Variants in HEATR5B observed in about 807,000 individuals in gnomAD.
The protein encoded by HEATR5B is HEAT repeat-containing protein 5B.
A neutral mutation model predicts 224.1 loss-of-function variants in HEATR5B; 156 were observed. That is an observed-to-expected ratio of 0.70 (90% CI 0.61 to 0.80). HEATR5B has a LOEUF of 0.80. Among genes scored for constraint, HEATR5B ranks in the 30% least tolerant of loss-of-function variants. The pLI, the probability that HEATR5B is intolerant of heterozygous loss-of-function variation, is 0.00. For missense variants in HEATR5B, 2,323 were observed against 2,535.5 expected (o/e 0.92, Z 1.80); for synonymous variants, 1,027 against 893.0 (o/e 1.15, Z -2.68).
chr2:37,020,820 A>C lies in HEATR5B; in HGVS notation c.3870T>G (p.Leu1290=). Residue 1290 remains leucine, a synonymous_variant, in exon 25 of 36, where the codon CTT becomes CTG. Coordinates refer to ENST00000233099, the MANE Select transcript of HEATR5B (RefSeq NM_019024.3). ...LRNPTNDLLV[L]HLSDLIRMAF... is the part of the protein sequence containing the mutation. ...CCATGCGAATGAGGTCAGAGAGATG[A>C]AGTACCAAGAGGTCATCTAAAAATA... is the stretch of plus-strand genomic sequence containing the variant. 6 of 1,553,432 alleles carry C rather than the reference A, an allele frequency of 3.9e-6. No individual in the cohort carries two copies. The highest frequency in any genetic ancestry group is 5.2e-6 in the Non-Finnish European group (6 of 1,157,746).
intron 35 of HEATR5B, among the ~76,000 whole-genome samples, chr2:36,984,632 T>C (rs11895180): frequency 6.6e-6 from 1 of 151,792 alleles, no homozygotes; most frequent in Non-Finnish European, 1.5e-5. Flanking sequence ...GAAAATAATA[T>C]GAACAATGTA....
chr2:37,044,225 T>C (rs986302070), intron 18 of HEATR5B, among the ~76,000 whole-genome samples: 1 of 152,180 alleles, frequency 6.6e-6, no homozygotes, highest in East Asian at 1.9e-4. Flanking sequence ...ACACAAGATA[T>C]AGGACATTTT....
At chr2:37,081,635 GC>G (rs1276946704) in intron 2 of HEATR5B, among the ~76,000 whole-genome samples, 1 of 152,154 alleles carries the variant, frequency 6.6e-6, no homozygotes, top group East Asian at 1.9e-4. Flanking sequence ...AGTCTAATAA[GC>G]AGAAAGAATC....
intron 18 of HEATR5B, among the ~76,000 whole-genome samples, chr2:37,041,517 C>T (rs944979320): frequency 3.3e-5 from 5 of 152,062 alleles, no homozygotes; most frequent in African/African-American, 9.7e-5. Context: ...AGGCTGAGGC[C>T]GGTGGATCAC....
intron 26 of HEATR5B, among the ~76,000 whole-genome samples, chr2:37,017,998 G>C (rs1426620615): frequency 6.6e-6 from 1 of 152,028 alleles, no homozygotes; most frequent in East Asian, 1.9e-4. Flanking sequence ...GAGTTACCCT[G>C]ATTTTAAAGT....
At chr2:37,036,577 T>C (rs1669490925) in intron 21 of HEATR5B, among the ~76,000 whole-genome samples, 1 of 151,796 alleles carries the variant, frequency 6.6e-6, no homozygotes. Context: ...AATGGCGCAA[T>C]CTTGGCTCAC....
intron 31 of HEATR5B, 114 bp downstream of exon 31, chr2:37,003,428 C>A: frequency 1.4e-6 from 1 of 734,882 alleles, no homozygotes; most frequent in Non-Finnish European, 2.1e-6. Context: ...CGAATGAGAC[C>A]CTGCCTCTAA....
chr2:36,981,539 G>A lies in HEATR5B; in HGVS notation c.6167C>T (p.Pro2056Leu), dbSNP rs1665580076. The change falls in exon 36 of 36, where the codon CCC becomes CTC. Residue 2056 changes from proline to leucine, a missense_variant. Pro to Leu is a moderately conservative substitution (Grantham distance 98). Transcript: ENST00000233099. Reference protein sequence around the residue: ...KAKAAARQPAPAIHSAPTIKL... With the variant: ...KAKAAARQPALAIHSAPTIKL... ...AATTGTTGGTGCAGAATGTATGGCG[G>A]GGGCTGGTTGTCTGGCAGCCGCTTT... The A allele has an allele frequency of 6.2e-7, 1 of 1,613,762 alleles. No homozygotes were observed. Among genetic ancestry groups the A allele is most frequent in the Non-Finnish European group, 8.5e-7 (1 of 1,179,712 alleles).
chr2:37,037,788 A>G (rs1669594419), intron 21 of HEATR5B, 67 bp downstream of exon 21: 1 of 1,229,732 alleles, frequency 8.1e-7, no homozygotes, highest in Non-Finnish European at 1.1e-6. Context: ...TGTATCCATA[A>G]AAAATTTTTT....
chr2:37,037,733 T>C, intron 21 of HEATR5B, 122 bp downstream of exon 21: 1 of 492,832 alleles, frequency 2.0e-6, no homozygotes, highest in East Asian at 3.4e-5. Context: ...ACTGTAGGCT[T>C]GCATCAAAAT....
intron 30 of HEATR5B, among the ~76,000 whole-genome samples, chr2:37,004,284 G>C (rs1051471875): frequency 1.3e-5 from 2 of 151,182 alleles, no homozygotes; most frequent in African/African-American, 4.9e-5. Context: ...TTAATCTGAG[G>C]TTAATCTTTC....
chr2:36,990,021 C>T (rs1666219737), intron 34 of HEATR5B, among the ~76,000 whole-genome samples: 1 of 150,694 alleles, frequency 6.6e-6, no homozygotes, highest in South Asian at 2.1e-4. Context: ...CCTGCCTCAG[C>T]CTCCCAAGTA....
chr2:37,069,602 G>A (rs576223842), intron 7 of HEATR5B, among the ~76,000 whole-genome samples: 2 of 152,172 alleles, frequency 1.3e-5, no homozygotes, highest in East Asian at 3.9e-4. Flanking sequence ...AAATGCTCAA[G>A]CTACCTGAAT....
intron 24 of HEATR5B, among the ~76,000 whole-genome samples, chr2:37,025,454 A>C (rs923167025): frequency 4.0e-4 from 61 of 152,128 alleles, no homozygotes; most frequent in Non-Finnish European, 1.6e-4. Flanking sequence ...TGTTCTATAA[A>C]AACCAGAATT....
intron 13 of HEATR5B, 66 bp from the exon 14 acceptor site, chr2:37,058,626 G>T: frequency 8.9e-7 from 1 of 1,118,542 alleles, no homozygotes; most frequent in Non-Finnish European, 1.3e-6. Context: ...AATTTTTTTA[G>T]CAATGTATCA....
chr2:37,003,391 A>T, intron 31 of HEATR5B, 151 bp downstream of exon 31: 1 of 529,358 alleles, frequency 1.9e-6, no homozygotes, highest in Non-Finnish European at 3.3e-6. Flanking sequence ...AACTATAATC[A>T]CATCATTGCG....
rs780946610 is a variant in HEATR5B, at chr2:37,075,529, G to A, written c.553C>T (p.Leu185Phe). The change falls in exon 5 of 36, where the codon CTC becomes TTC. Residue 185 changes from leucine to phenylalanine, a missense_variant. Transcript: ENST00000233099. The stretch of plus-strand genomic sequence containing the variant: ...ACAGCCATTGACCTATCAGTCAAGA[G>A]AGACCTGGCATTCTTGTAAATATCA... ...HRDIYKNARS[L>F]LTDRSMAVRC... 3.1e-6 allele frequency: 5 copies of A among 1,614,074 alleles called. 1 individual carries two copies.
At chr2:36,998,228 G>A (rs1179476784) in intron 33 of HEATR5B, among the ~76,000 whole-genome samples, 1 of 151,874 alleles carries the variant, frequency 6.6e-6, no homozygotes. Flanking sequence ...AATAAACCTT[G>A]AAATAAAAAG....
At chr2:36,989,046 T>C (rs1666141616) in intron 34 of HEATR5B, among the ~76,000 whole-genome samples, 187 bp from the exon 35 acceptor site, 1 of 152,238 alleles carries the variant, frequency 6.6e-6, no homozygotes, top group Non-Finnish European at 1.5e-5. Context: ...AATGTTCATA[T>C]ATTTTAATGA....
Sources: allele counts gnomAD v4.1 joint callset (sites outside exome capture counted in the v4.1 genomes callset), GRCh38; gene constraint gnomAD v4.1.1; transcripts MANE v1.5; gene names NCBI Gene and HGNC (gene_info 2026-07-23, HGNC 2026-07-21).